CCSER2: variants seen among roughly 807,000 people sequenced by gnomAD.
The protein encoded by CCSER2 is coiled-coil serine rich protein 2.
Under a neutral mutation model 92.3 loss-of-function variants are expected in CCSER2, and 46 were observed. The observed-to-expected ratio is 0.50, with a 90% CI of 0.39 to 0.64. CCSER2 has a LOEUF of 0.64. CCSER2 is among the 30% of genes least tolerant of loss of function. CCSER2 has a pLI of 0.00. For missense variants in CCSER2, 1,244 were observed against 1,238.9 expected, an observed-to-expected ratio of 1.00 and a Z score of -0.06; for synonymous variants, 433 against 431.4, an observed-to-expected ratio of 1.00 and a Z score of -0.04.
At chr10:84,436,761 T>TA (rs959169473) in intron 5 of CCSER2, among the ~76,000 whole-genome samples, 2 of 152,148 alleles carry the variant, frequency 1.3e-5, no homozygotes, top group African/African-American at 4.8e-5. Context: ...TGTAAATTTC[T>TA]AAAAATCTTT....
intron 3 of CCSER2, among the ~76,000 whole-genome samples, chr10:84,378,344 T>C (rs1344209942): frequency 6.6e-6 from 1 of 151,970 alleles, no homozygotes; most frequent in Non-Finnish European, 1.5e-5. Context: ...TTAGAATACA[T>C]TCACTTGGTC....
At chr10:84,499,947 C>T in intron 9 of CCSER2, 1 of 1,613,904 alleles carries the variant, frequency 6.2e-7, no homozygotes, top group Non-Finnish European at 8.5e-7. Flanking sequence ...TGTTCCACCG[C>T]ACCGCAGACA....
At chr10:84,475,054 A>G (rs760401704) in intron 8 of CCSER2, among the ~76,000 whole-genome samples, 16 of 152,168 alleles carry the variant, frequency 1.1e-4, no homozygotes, top group Non-Finnish European at 2.2e-4. Flanking sequence ...ACATTCTCAC[A>G]CAGTAATACC....
chr10:84,497,889 T>A (rs566354931), intron 9 of CCSER2, among the ~76,000 whole-genome samples: 60 of 152,122 alleles, frequency 3.9e-4, no homozygotes, highest in Non-Finnish European at 7.6e-4. Context: ...GGGACAGATA[T>A]GAGTAACTAA....
intron 3 of CCSER2, among the ~76,000 whole-genome samples, chr10:84,377,552 T>C (rs1846405729): frequency 6.6e-6 from 1 of 152,206 alleles, no homozygotes; most frequent in East Asian, 1.9e-4. Context: ...AAAATAAATT[T>C]TGCTGCCTGG....
At chr10:84,424,134 A>C (rs12356098) in intron 4 of CCSER2, among the ~76,000 whole-genome samples, 54,102 of 151,922 alleles carry the variant, frequency 0.36, 11,531 homozygotes, top group East Asian at 0.5. Context: ...CCTGGGTGAC[A>C]GATTGAGAAC....
intron 3 of CCSER2, among the ~76,000 whole-genome samples, chr10:84,403,921 A>C (rs1456951133): frequency 1.3e-5 from 2 of 152,248 alleles, no homozygotes; most frequent in Non-Finnish European, 2.9e-5. Flanking sequence ...AACAAATGAG[A>C]GACAGAGTTT....
At chr10:84,462,456 A>G (rs986972483) in intron 6 of CCSER2, among the ~76,000 whole-genome samples, 1 of 152,210 alleles carries the variant, frequency 6.6e-6, no homozygotes, top group African/African-American at 2.4e-5. Context: ...CTTCTCAAAT[A>G]TACTTGTAGG....
chr10:84,491,891 A>G (rs1210628091), intron 9 of CCSER2, among the ~76,000 whole-genome samples: 1 of 152,112 alleles, frequency 6.6e-6, no homozygotes, highest in African/African-American at 2.4e-5. Flanking sequence ...GGTGTAATCT[A>G]CATGCTTTCT....
intron 1 of CCSER2, among the ~76,000 whole-genome samples, chr10:84,342,786 C>A (rs1052336583): frequency 2.6e-5 from 4 of 152,156 alleles, no homozygotes; most frequent in Non-Finnish European, 5.9e-5. Context: ...TGACATAGTT[C>A]TTAATTGTTA....
At chr10:84,433,168 C>G (rs1843885072) in intron 5 of CCSER2, among the ~76,000 whole-genome samples, 1 of 152,102 alleles carries the variant, frequency 6.6e-6, no homozygotes, top group Non-Finnish European at 1.5e-5. Context: ...CTTTCTTCTT[C>G]TTCAATATTG....
rs188420494 is a variant in CCSER2 at position 84,337,983 on chromosome 10, G to C, written c.-40+9175G>C. Among the ~76,000 whole-genome samples the C allele has an allele frequency of 2.6e-5, 4 of 152,230 alleles. No homozygotes were observed. The East Asian group carries it at 7.7e-4, about 29-fold the overall frequency. On this transcript the variant is annotated intron_variant, in intron 1 of 9. Transcript: ENST00000372088. ...CTTTTTATCTGTAGCTATCAGCTTA[G>C]AAACAAAAGGAGAGGGGGCTGGGCA... is the stretch of plus-strand genomic sequence containing the variant.
intron 1 of CCSER2, among the ~76,000 whole-genome samples, chr10:84,342,074 G>A (rs1036833599): frequency 6.6e-6 from 1 of 152,116 alleles, no homozygotes; most frequent in African/African-American, 2.4e-5. Flanking sequence ...CCCCCCCCTG[G>A]AGGTTGGGGG....
At chr10:84,425,651 C>A in intron 4 of CCSER2, 80 bp from the exon 5 acceptor site, 1 of 882,324 alleles carries the variant, frequency 1.1e-6, no homozygotes, top group Non-Finnish European at 1.6e-6. Context: ...TGATTTACAG[C>A]ATTTAATTAT....
At chr10:84,497,321 GT>G (rs1848505992) in intron 9 of CCSER2, among the ~76,000 whole-genome samples, 1 of 152,238 alleles carries the variant, frequency 6.6e-6, no homozygotes, top group Non-Finnish European at 1.5e-5. Context: ...AATAAAATGA[GT>G]AACATTCTTT....
chr10:84,407,637 G>C (rs1456268688), intron 3 of CCSER2, among the ~76,000 whole-genome samples: 1 of 152,184 alleles, frequency 6.6e-6, no homozygotes, highest in African/African-American at 2.4e-5. Flanking sequence ...TGGTTTTTCT[G>C]TCTCACTTAA....
In CCSER2 at chr10:84,352,305, A is replaced by G. The variant is rs575490012; in HGVS notation, c.-39-18709A>G. On this transcript the variant is annotated intron_variant, in intron 1 of 9. Coordinates refer to ENST00000372088, the MANE Select transcript of CCSER2 (RefSeq NM_001284240.2). ...GCGACAGAGGAAGACTCTGTCTCAA[A>G]AAAAACAAAAACAAAATAGGTGATT... is the stretch of plus-strand genomic sequence containing the variant. 1.5e-4 allele frequency among the ~76,000 whole-genome samples: 22 copies of G among 146,076 alleles called. No homozygotes were observed. In the South Asian group the frequency reaches 4.8e-3, roughly 32 times the overall value.
chr10:84,483,313 A>G (rs188574142), intron 9 of CCSER2, among the ~76,000 whole-genome samples: 118 of 152,104 alleles, frequency 7.8e-4, no homozygotes, highest in African/African-American at 2.7e-3. Context: ...GAATCACTTG[A>G]ACCTGGGAGG....
intron 3 of CCSER2, among the ~76,000 whole-genome samples, chr10:84,409,506 T>TAGAAA (rs1842540141): frequency 6.6e-6 from 1 of 152,114 alleles, no homozygotes; most frequent in Admixed American, 6.5e-5. Flanking sequence ...CTATGTATAT[T>TAGAAA]ATAGTGTTTT....
Sources: allele counts gnomAD v4.1 joint callset (sites outside exome capture counted in the v4.1 genomes callset), GRCh38; gene constraint gnomAD v4.1.1; transcripts MANE v1.5; gene names NCBI Gene and HGNC (gene_info 2026-07-23, HGNC 2026-07-21).